The following LRTM3 variants were observed in gnomAD, a reference collection of about 807,000 sequenced individuals.
LRTM3 encodes the protein leucine rich repeat transmembrane protein 3, also known as leucine-rich repeat transmembrane protein 3.
the LRTM3 span, chr13:102,744,114 T>A: frequency 6.4e-7 from 1 of 1,550,696 alleles, no homozygotes; most frequent in Non-Finnish European, 8.7e-7. Context: ...TACCATTGCT[T>A]CCCTTTCATC....
chr13:102,758,542 C>T, the LRTM3 span: 4 of 1,546,588 alleles, frequency 2.6e-6, no homozygotes, highest in South Asian at 4.8e-5. Flanking sequence ...ATAATACTTA[C>T]CAAGTTTCCT....
the LRTM3 span, among the ~76,000 whole-genome samples, chr13:102,752,760 A>G: frequency 6.6e-6 from 1 of 152,214 alleles, no homozygotes; most frequent in African/African-American, 2.4e-5. Context: ...GAATGTGACC[A>G]TATTTGTAGA....
the LRTM3 span, chr13:102,741,104 C>CA: frequency 6.5e-7 from 1 of 1,549,848 alleles, no homozygotes; most frequent in Non-Finnish European, 8.7e-7. Context: ...ATGCAATATG[C>CA]AAGGGAGAAC....
At chr13:102,731,008 T>A in the LRTM3 span, 512 of 1,551,508 alleles carry the variant, frequency 3.3e-4, 2 homozygotes, top group African/African-American at 6.1e-3. Flanking sequence ...TGGGAAAGGC[T>A]TTCATTTGTA....
At chr13:102,742,118 GAC>G in the LRTM3 span, 2 of 1,550,346 alleles carry the variant, frequency 1.3e-6, no homozygotes, top group East Asian at 4.9e-5. Flanking sequence ...TTTAATGCTA[GAC>G]ACACAGTATC....
chr13:102,734,940 C>A, the LRTM3 span: 3 of 1,551,152 alleles, frequency 1.9e-6, no homozygotes, highest in Non-Finnish European at 2.6e-6. Context: ...ATATCACCAG[C>A]AATTGGCCTT....
At chr13:102,736,342 T>A in the LRTM3 span, 1 of 1,551,114 alleles carries the variant, frequency 6.4e-7, no homozygotes, top group Non-Finnish European at 8.7e-7. Flanking sequence ...TGAACACTTG[T>A]GGAGGTGCTG....
At chr13:102,741,141 GATA>G in the LRTM3 span, 2 of 1,548,998 alleles carry the variant, frequency 1.3e-6, no homozygotes, top group East Asian at 2.4e-5. Flanking sequence ...TCTTTATTCT[GATA>G]ATAATTACTT....
the LRTM3 span, among the ~76,000 whole-genome samples, chr13:102,756,702 A>AAAAAAAAAAAG: frequency 7.2e-6 from 1 of 139,414 alleles, no homozygotes; most frequent in African/African-American, 2.9e-5. Flanking sequence ...AAAACAAAAA[A>AAAAAAAAAAAG]ACAAAAAGAG....
the LRTM3 span, chr13:102,736,960 G>A: frequency 6.4e-7 from 1 of 1,551,080 alleles, no homozygotes; most frequent in Admixed American, 2.0e-5. Flanking sequence ...CTGTTCGTTT[G>A]TCTAATTTAC....
chr13:102,729,838 C>G, the LRTM3 span: 21 of 1,551,744 alleles, frequency 1.4e-5, no homozygotes, highest in Admixed American at 2.0e-5. Context: ...GACTGCTGTT[C>G]TTCCTAAATA....
chr13:102,756,025 T>C, the LRTM3 span, among the ~76,000 whole-genome samples: 1 of 148,510 alleles, frequency 6.7e-6, no homozygotes, highest in African/African-American at 2.5e-5. Context: ...AGTGGTGCAA[T>C]CTCGTCTCAC....
the LRTM3 span, chr13:102,737,985 G>A: frequency 6.4e-7 from 1 of 1,550,608 alleles, no homozygotes; most frequent in South Asian, 1.2e-5. Context: ...TCAACTTCGT[G>A]ATCCATTTTC....
the LRTM3 span, chr13:102,743,093 G>A: frequency 3.2e-6 from 5 of 1,550,224 alleles, no homozygotes; most frequent in African/African-American, 4.1e-5. Flanking sequence ...TCTAAGATAT[G>A]TGTTTGCCAT....
the LRTM3 span, chr13:102,748,561 T>A: frequency 6.4e-7 from 1 of 1,550,764 alleles, no homozygotes; most frequent in Non-Finnish European, 8.7e-7. Flanking sequence ...GTATTTTCAT[T>A]CTATTGTTCG....
At chr13:102,734,345 C>G in the LRTM3 span, 1 of 1,551,374 alleles carries the variant, frequency 6.4e-7, no homozygotes, top group Non-Finnish European at 8.7e-7. Context: ...ACCTCCAAGC[C>G]TTTCTTCATC....
the LRTM3 span, chr13:102,745,175 C>T: frequency 1.3e-6 from 2 of 1,550,856 alleles, no homozygotes; most frequent in Non-Finnish European, 8.7e-7. Context: ...AAGATCCTTC[C>T]CCTGACCTGA....
At chr13:102,746,780 T>C in the LRTM3 span, 1 of 1,551,286 alleles carries the variant, frequency 6.4e-7, no homozygotes. Flanking sequence ...ATCACTTCCA[T>C]TACTTGGAAT....
chr13:102,733,202 A>G, the LRTM3 span: 2 of 1,551,406 alleles, frequency 1.3e-6, no homozygotes, highest in Non-Finnish European at 1.7e-6. Context: ...TTGCTTTTTC[A>G]TGACAATATC....
Sources: gnomAD v4.1 joint callset for allele counts (sites outside exome capture counted in the v4.1 genomes callset) on GRCh38, gnomAD v4.1.1 for gene constraint, MANE v1.5 for transcripts, NCBI Gene and HGNC (gene_info 2026-07-23, HGNC 2026-07-21) for gene names.